LRRC4C: variants seen among roughly 807,000 people sequenced by gnomAD.
LRRC4C encodes leucine-rich repeat-containing protein 4C.
In LRRC4C, 5 loss-of-function variants were observed where a neutral mutation model predicts 33.6. The ratio of observed to expected loss-of-function variants is 0.15; its 90% CI spans 0.08 to 0.31. The LOEUF is 0.31. Ranked by LOEUF, LRRC4C falls within the 10% of genes least tolerant of loss-of-function variation. The pLI is 1.00. For missense variants in LRRC4C, 560 were observed against 796.7 expected (o/e 0.70, Z 3.58); for synonymous variants, 329 against 302.0 (o/e 1.09, Z -0.93).
intron 1 of LRRC4C, among the ~76,000 whole-genome samples, chr11:41,315,900 A>AT (rs1950772674): frequency 6.6e-6 from 1 of 152,214 alleles, no homozygotes; most frequent in Non-Finnish European, 1.5e-5. Flanking sequence ...GATCTTCACT[A>AT]TAAATGTTAT....
chr11:40,122,936 T>C (rs1036487440), intron 6 of LRRC4C, among the ~76,000 whole-genome samples: 4 of 135,854 alleles, frequency 2.9e-5, no homozygotes, highest in African/African-American at 1.1e-4. Context: ...AAAGTGTATG[T>C]GTATATATAT....
chr11:40,790,455 C>T (rs1254033730), intron 2 of LRRC4C, among the ~76,000 whole-genome samples: 3 of 152,170 alleles, frequency 2.0e-5, no homozygotes, highest in East Asian at 1.9e-4. Context: ...GGAAACCAGA[C>T]TCCAACACTT....
intron 2 of LRRC4C, among the ~76,000 whole-genome samples, chr11:40,691,159 A>T (rs1436138260): frequency 6.6e-6 from 1 of 152,076 alleles, no homozygotes; most frequent in African/African-American, 2.4e-5. Context: ...AAAAAAGCAC[A>T]TCAAAACCAA....
chr11:40,610,899 C>T (rs1961149780), intron 3 of LRRC4C, among the ~76,000 whole-genome samples: 1 of 151,768 alleles, frequency 6.6e-6, no homozygotes, highest in South Asian at 2.1e-4. Flanking sequence ...GAAAGACATA[C>T]TGTGTCAATG....
chr11:40,933,483 T>A (rs1427182885), intron 2 of LRRC4C, among the ~76,000 whole-genome samples, 152 bp downstream of exon 2: 1 of 152,352 alleles, frequency 6.6e-6, no homozygotes, highest in Non-Finnish European at 1.5e-5. Context: ...TTGCACTCAC[T>A]TACATTCCGT....
chr11:40,446,038 G>C (rs1193307523), intron 3 of LRRC4C: 1 of 152,130 alleles, frequency 6.6e-6, no homozygotes, highest in East Asian at 1.9e-4. Flanking sequence ...AATGAGCTGA[G>C]TCTTGATTTC....
intron 4 of LRRC4C, among the ~76,000 whole-genome samples, chr11:40,244,170 G>A (rs1184741088): frequency 6.6e-6 from 1 of 152,070 alleles, no homozygotes. Context: ...TGACATTTAA[G>A]TGCTGAGTAT....
chr11:40,396,993 A>C (rs927091070), intron 3 of LRRC4C, among the ~76,000 whole-genome samples: 2 of 152,100 alleles, frequency 1.3e-5, no homozygotes, highest in Non-Finnish European at 2.9e-5. Context: ...ACCAACCAAC[A>C]TATTAGAAAA....
intron 1 of LRRC4C, among the ~76,000 whole-genome samples, chr11:41,386,657 A>G (rs951596530): frequency 6.6e-6 from 1 of 151,712 alleles, no homozygotes; most frequent in African/African-American, 2.4e-5. Flanking sequence ...AATCTTCTAC[A>G]TTTCTGTAGC....
intron 1 of LRRC4C, among the ~76,000 whole-genome samples, chr11:41,388,988 A>G (rs1362144507): frequency 6.6e-6 from 1 of 151,850 alleles, no homozygotes; most frequent in Non-Finnish European, 1.5e-5. Context: ...TTTGGACTCT[A>G]ATGATGTCTA....
chr11:41,431,971 G>A (rs1434964969), intron 1 of LRRC4C, among the ~76,000 whole-genome samples: 1 of 152,090 alleles, frequency 6.6e-6, no homozygotes, highest in Non-Finnish European at 1.5e-5. Context: ...TAAAAGAACT[G>A]CAAAAATGGA....
intron 1 of LRRC4C, among the ~76,000 whole-genome samples, chr11:41,070,450 C>T (rs1318215651): frequency 6.6e-6 from 1 of 152,036 alleles, no homozygotes; most frequent in Non-Finnish European, 1.5e-5. Context: ...TTCTGCATAG[C>T]AAAAGAAACT....
chr11:41,298,285 G>A (rs57396666), intron 1 of LRRC4C, among the ~76,000 whole-genome samples: 2,828 of 152,210 alleles, frequency 0.019, 81 homozygotes, highest in African/African-American at 0.065. Flanking sequence ...AAGGGAAGAA[G>A]GTCTCTCTCC....
At chr11:40,878,971 T>G (rs1591974309) in intron 2 of LRRC4C, among the ~76,000 whole-genome samples, 1 of 152,212 alleles carries the variant, frequency 6.6e-6, no homozygotes, top group Non-Finnish European at 1.5e-5. Flanking sequence ...CATAGTTCCA[T>G]ACAGTGAGTG....
chr11:40,222,776 C>G (rs762438531), intron 5 of LRRC4C, among the ~76,000 whole-genome samples: 1 of 152,150 alleles, frequency 6.6e-6, no homozygotes, highest in Admixed American at 6.5e-5. Context: ...AGATTCCAGG[C>G]AAGCACCATG....
chr11:40,333,118 G>A (rs564249711), intron 3 of LRRC4C, among the ~76,000 whole-genome samples: 1 of 152,234 alleles, frequency 6.6e-6, no homozygotes, highest in African/African-American at 2.4e-5. Context: ...CATAGAGAGT[G>A]AAGGCCACCA....
chr11:41,368,566 T>C (rs1320596927), intron 1 of LRRC4C, among the ~76,000 whole-genome samples: 4 of 152,194 alleles, frequency 2.6e-5, no homozygotes, highest in Non-Finnish European at 5.9e-5. Flanking sequence ...TGGAATGATA[T>C]TTTTAGCTGA....
At chr11:40,496,132 A>C (rs1954443453) in intron 3 of LRRC4C, among the ~76,000 whole-genome samples, 1 of 152,016 alleles carries the variant, frequency 6.6e-6, no homozygotes, top group Non-Finnish European at 1.5e-5. Context: ...GCCTGGCCAA[A>C]AGTGTCTTAA....
intron 1 of LRRC4C, among the ~76,000 whole-genome samples, chr11:40,968,175 C>T (rs1851485975): frequency 6.6e-6 from 1 of 151,992 alleles, no homozygotes; most frequent in Admixed American, 6.6e-5. Flanking sequence ...AAGATTAAAC[C>T]CAGCCACAAT....
Sources: allele counts gnomAD v4.1 joint callset (sites outside exome capture counted in the v4.1 genomes callset), GRCh38; gene constraint gnomAD v4.1.1; transcripts MANE v1.5; gene names NCBI Gene and HGNC (gene_info 2026-07-23, HGNC 2026-07-21).